The following TTC28 variants were observed in gnomAD, a reference collection of about 807,000 sequenced individuals.
TTC28 encodes tetratricopeptide repeat protein 28.
In TTC28, 61 loss-of-function variants were observed where a neutral mutation model predicts 198.0. The ratio of observed to expected loss-of-function variants is 0.31; its 90% confidence interval spans 0.25 to 0.38. The LOEUF is 0.38. TTC28 is among the 10% of genes least tolerant of loss of function. The pLI, the probability that TTC28 is intolerant of heterozygous loss-of-function variation, is 1.00. For synonymous variants in TTC28, 1,171 were observed against 1,297.8 expected, an observed-to-expected ratio of 0.90 and a Z score of 2.10; for missense variants, 2,678 against 3,164.0, an observed-to-expected ratio of 0.85 and a Z score of 3.69.
At chr22:28,614,385 A>T (rs1487773681) in intron 2 of TTC28, among the ~76,000 whole-genome samples, 2 of 152,250 alleles carry the variant, frequency 1.3e-5, no homozygotes, top group Non-Finnish European at 2.9e-5. Flanking sequence ...TAATTTATAG[A>T]TTCAATGCTA....
chr22:28,528,396 A>C (rs867159544), intron 2 of TTC28, among the ~76,000 whole-genome samples: 2 of 152,084 alleles, frequency 1.3e-5, no homozygotes, highest in African/African-American at 4.8e-5. Flanking sequence ...GGATGCATAT[A>C]GTAATCCCTT....
intron 13 of TTC28, chr22:28,029,233 C>T (rs1367993922): frequency 4.9e-6 from 2 of 404,972 alleles, no homozygotes; most frequent in South Asian, 1.9e-5. Flanking sequence ...GCTCCTACAT[C>T]CCCTGCCCTT....
At chr22:28,600,587 T>C (rs2050624196) in intron 2 of TTC28, among the ~76,000 whole-genome samples, 1 of 152,176 alleles carries the variant, frequency 6.6e-6, no homozygotes, top group Non-Finnish European at 1.5e-5. Context: ...AATAATGAGA[T>C]TGGATAATAT....
At chr22:28,239,998 C>T (rs1207560679) in intron 5 of TTC28, among the ~76,000 whole-genome samples, 1 of 152,182 alleles carries the variant, frequency 6.6e-6, no homozygotes, top group Non-Finnish European at 1.5e-5. Flanking sequence ...CTGTCCTGTG[C>T]ATTGTAGGAT....
chr22:28,261,746 G>A (rs1483009769), intron 5 of TTC28, among the ~76,000 whole-genome samples: 1 of 152,006 alleles, frequency 6.6e-6, no homozygotes, highest in Admixed American at 6.6e-5. Context: ...TTTGTGACTG[G>A]GTCTCGCTAT....
intron 6 of TTC28, among the ~76,000 whole-genome samples, 161 bp from the exon 7 acceptor site, chr22:28,108,564 A>G (rs1942393985): frequency 1.3e-5 from 2 of 152,262 alleles, no homozygotes; most frequent in African/African-American, 4.8e-5. Flanking sequence ...AGCTCTCCAC[A>G]GAGAGGATAG....
At chr22:27,998,423 T>C in intron 16 of TTC28, 117 bp downstream of exon 16, 1 of 1,427,530 alleles carries the variant, frequency 7.0e-7, no homozygotes, top group Non-Finnish European at 9.2e-7. Flanking sequence ...CTGAGTCTTC[T>C]GTGGCTGGCC....
intron 2 of TTC28, among the ~76,000 whole-genome samples, chr22:28,352,040 A>C (rs1297560259): frequency 6.6e-6 from 1 of 152,150 alleles, no homozygotes; most frequent in Non-Finnish European, 1.5e-5. Flanking sequence ...CCTCTAATTC[A>C]GTTCACTTTA....
At chr22:28,503,950 A>G (rs1172205678) in intron 2 of TTC28, among the ~76,000 whole-genome samples, 1 of 152,186 alleles carries the variant, frequency 6.6e-6, no homozygotes, top group Non-Finnish European at 1.5e-5. Flanking sequence ...TACACCAGCT[A>G]AAGAATGGAT....
At chr22:28,173,549 T>G (rs1004789546) in intron 5 of TTC28, among the ~76,000 whole-genome samples, 1 of 152,222 alleles carries the variant, frequency 6.6e-6, no homozygotes, top group African/African-American at 2.4e-5. Context: ...AAGATATAAA[T>G]TACTCATGTT....
chr22:28,209,130 A>G (rs1926668936), intron 5 of TTC28, among the ~76,000 whole-genome samples: 1 of 152,226 alleles, frequency 6.6e-6, no homozygotes, highest in Admixed American at 6.5e-5. Context: ...GAGACATTAG[A>G]AAACTGGTTG....
intron 2 of TTC28, among the ~76,000 whole-genome samples, chr22:28,334,666 GTTCATATCC>G (rs1471685759): frequency 6.6e-6 from 1 of 152,138 alleles, no homozygotes; most frequent in East Asian, 1.9e-4. Context: ...AGAAGTGTCT[GTTCATATCC>G]TTCACCCACT....
At chr22:28,225,247 C>T (rs187902394) in intron 5 of TTC28, among the ~76,000 whole-genome samples, 1 of 151,600 alleles carries the variant, frequency 6.6e-6, no homozygotes, top group East Asian at 1.9e-4. Context: ...CCCAGCTACT[C>T]GGGAGGCTGA....
chr22:28,670,711 A>G (rs1026632277), intron 1 of TTC28, among the ~76,000 whole-genome samples: 2 of 149,378 alleles, frequency 1.3e-5, no homozygotes, highest in Non-Finnish European at 3.0e-5. Flanking sequence ...GGGCATATAT[A>G]TATATATATA....
rs527773874 is a variant in TTC28 at position 28,612,518 on chromosome 22, T to C, written c.381+17034A>G. Among the ~76,000 whole-genome samples the C allele has an allele frequency of 5.3e-5, 8 of 152,306 alleles. No individual in the cohort carries two copies. The East Asian group carries it at 1.3e-3, about 26-fold the overall frequency. On this transcript the variant is annotated intron_variant, in intron 2 of 22. Transcript: ENST00000397906. Reference sequence around the variant, plus strand: ...AACTCTCCACCCAAAATCAACAGAATATACATTCTTCTCAGCACCACATCA... The same window carrying C: ...AACTCTCCACCCAAAATCAACAGAACATACATTCTTCTCAGCACCACATCA...
intron 1 of TTC28, among the ~76,000 whole-genome samples, chr22:28,672,196 G>C (rs936339347): frequency 6.6e-6 from 1 of 151,860 alleles, no homozygotes; most frequent in Non-Finnish European, 1.5e-5. Context: ...GTTTTGTTTT[G>C]AGACGGAGTC....
intron 2 of TTC28, among the ~76,000 whole-genome samples, chr22:28,527,271 C>G (rs189680579): frequency 2.7e-4 from 41 of 152,290 alleles, no homozygotes; most frequent in African/African-American, 9.4e-4. Flanking sequence ...ACTCCCTCTA[C>G]TCACTCCCTC....
At chr22:28,658,241 T>C (rs982698890) in intron 1 of TTC28, among the ~76,000 whole-genome samples, 2 of 152,164 alleles carry the variant, frequency 1.3e-5, no homozygotes, top group African/African-American at 4.8e-5. Context: ...CAAAATGTAA[T>C]GACAATTGTG....
intron 2 of TTC28, among the ~76,000 whole-genome samples, chr22:28,471,139 T>C (rs763372235): frequency 6.6e-6 from 1 of 152,210 alleles, no homozygotes; most frequent in African/African-American, 2.4e-5. Context: ...AATTGTACTT[T>C]TGTGAATAAT....
Sources: gnomAD v4.1 joint callset for allele counts (sites outside exome capture counted in the v4.1 genomes callset) on GRCh38, gnomAD v4.1.1 for gene constraint, MANE v1.5 for transcripts, NCBI Gene and HGNC (gene_info 2026-07-23, HGNC 2026-07-21) for gene names.